Variants in SKAP2 observed in about 807,000 individuals in gnomAD.
The protein encoded by SKAP2 is src kinase-associated phosphoprotein 2.
Under a neutral mutation model 54.9 loss-of-function variants are expected in SKAP2, and 28 were observed. That is an observed-to-expected ratio of 0.51 (90% confidence interval 0.38 to 0.70). SKAP2 has a LOEUF of 0.70. SKAP2 is among the 30% of genes least tolerant of loss of function. The pLI, the probability that SKAP2 is intolerant of heterozygous loss-of-function variation, is 0.00. For missense variants in SKAP2, 356 were observed against 424.1 expected, an observed-to-expected ratio of 0.84 and a Z score of 1.41; for synonymous variants, 137 against 134.3, an observed-to-expected ratio of 1.02 and a Z score of -0.14.
intron 11 of SKAP2, among the ~76,000 whole-genome samples, chr7:26,678,999 A>T (rs182928173): frequency 5.9e-5 from 9 of 151,776 alleles, no homozygotes; most frequent in Admixed American, 3.9e-4. Context: ...ACTGAGAATT[A>T]AAAAAAATAT....
intron 9 of SKAP2, among the ~76,000 whole-genome samples, chr7:26,713,630 C>T (rs1352882097): frequency 1.3e-5 from 2 of 151,100 alleles, no homozygotes; most frequent in Non-Finnish European, 2.9e-5. Context: ...GATGGAGTCT[C>T]GCTCTGTCGC....
At chr7:26,859,468 A>G (rs1785237499) in intron 1 of SKAP2, among the ~76,000 whole-genome samples, 1 of 152,226 alleles carries the variant, frequency 6.6e-6, no homozygotes, top group African/African-American at 2.4e-5. Context: ...TAGCACTTTT[A>G]CAGGTTACAG....
At chr7:26,794,356 T>G (rs1050305310) in intron 4 of SKAP2, among the ~76,000 whole-genome samples, 1 of 152,192 alleles carries the variant, frequency 6.6e-6, no homozygotes, top group Non-Finnish European at 1.5e-5. Context: ...GTATGGCAGA[T>G]ATACCTGAAT....
chr7:26,662,487 C>T (rs753603759), downstream of SKAP2, among the ~76,000 whole-genome samples: 1 of 152,040 alleles, frequency 6.6e-6, no homozygotes, highest in Non-Finnish European at 1.5e-5. Flanking sequence ...GTGGGGCTGT[C>T]CTTATCCTTC....
chr7:26,778,486 C>T (rs903646582), intron 4 of SKAP2, among the ~76,000 whole-genome samples: 2 of 152,044 alleles, frequency 1.3e-5, no homozygotes, highest in Admixed American at 1.3e-4. Context: ...ACATAAAGAA[C>T]AGCAAAGAAC....
chr7:26,688,280 A>G (rs1169262807), intron 10 of SKAP2, among the ~76,000 whole-genome samples: 1 of 152,196 alleles, frequency 6.6e-6, no homozygotes, highest in Non-Finnish European at 1.5e-5. Flanking sequence ...TGGAATCTTT[A>G]TTTTATATAT....
intron 4 of SKAP2, among the ~76,000 whole-genome samples, chr7:26,833,005 G>A (rs747526232): frequency 2.6e-5 from 4 of 152,090 alleles, no homozygotes; most frequent in South Asian, 2.1e-4. Flanking sequence ...CTAAGCAAGC[G>A]AACTAGCTCC....
At chr7:26,768,062 A>G (rs964266717) in intron 4 of SKAP2, among the ~76,000 whole-genome samples, 2 of 152,192 alleles carry the variant, frequency 1.3e-5, no homozygotes, top group African/African-American at 4.8e-5. Context: ...GTGGAGTGTT[A>G]AAGTCTCCCA....
At chr7:26,741,155 G>A (rs1012311396) in intron 4 of SKAP2, among the ~76,000 whole-genome samples, 21 of 151,854 alleles carry the variant, frequency 1.4e-4, no homozygotes, top group Non-Finnish European at 3.1e-4. Flanking sequence ...TAATTAGAAT[G>A]AATAAGATCT....
chr7:26,760,931 C>T (rs930244721), intron 4 of SKAP2, among the ~76,000 whole-genome samples: 5 of 151,946 alleles, frequency 3.3e-5, no homozygotes, highest in Admixed American at 2.6e-4. Flanking sequence ...AAGTTGCTTC[C>T]GAAAGGCCAA....
chr7:26,820,114 T>C (rs1331460446), intron 4 of SKAP2, among the ~76,000 whole-genome samples: 1 of 152,134 alleles, frequency 6.6e-6, no homozygotes, highest in African/African-American at 2.4e-5. Flanking sequence ...GCCCAAGAAC[T>C]CAAGGCTGTA....
At chr7:26,813,185 T>C (rs914511567) in intron 4 of SKAP2, among the ~76,000 whole-genome samples, 3 of 152,160 alleles carry the variant, frequency 2.0e-5, no homozygotes, top group African/African-American at 7.2e-5. Flanking sequence ...ACCCAGAATA[T>C]TGATATAGGT....
At chr7:26,746,611 C>T (rs2127964467) in intron 4 of SKAP2, 1 of 146,428 alleles carries the variant, frequency 6.8e-6, no homozygotes, top group African/African-American at 2.6e-5. Flanking sequence ...ATCTCAGTTC[C>T]ATACCTTTTT....
intron 6 of SKAP2, among the ~76,000 whole-genome samples, chr7:26,731,263 C>T (rs1787819485): frequency 6.6e-6 from 1 of 152,186 alleles, no homozygotes; most frequent in Non-Finnish European, 1.5e-5. Context: ...AAATTTTTAG[C>T]AAGCACCCCA....
chr7:26,845,661 G>A (rs1245363796), intron 3 of SKAP2, among the ~76,000 whole-genome samples: 1 of 152,198 alleles, frequency 6.6e-6, no homozygotes, highest in Non-Finnish European at 1.5e-5. Context: ...GCTGGTGGCA[G>A]TGCTCACGCC....
intron 4 of SKAP2, among the ~76,000 whole-genome samples, chr7:26,756,196 A>G (rs1381521146): frequency 6.6e-6 from 1 of 152,222 alleles, no homozygotes; most frequent in Non-Finnish European, 1.5e-5. Flanking sequence ...TTTTTTTATT[A>G]TACTTTAAGT....
intron 3 of SKAP2, among the ~76,000 whole-genome samples, chr7:26,851,365 G>T (rs1785038184): frequency 6.6e-6 from 1 of 151,922 alleles, no homozygotes; most frequent in Non-Finnish European, 1.5e-5. Context: ...GATCATTTGA[G>T]CATGGAAGGC....
At chr7:26,759,187 T>C (rs1296738059) in intron 4 of SKAP2, among the ~76,000 whole-genome samples, 1 of 152,216 alleles carries the variant, frequency 6.6e-6, no homozygotes, top group Non-Finnish European at 1.5e-5. Context: ...GAAGTTTTAA[T>C]AGATATACTG....
chr7:26,666,392 T>C (rs1159354419), downstream of SKAP2, among the ~76,000 whole-genome samples: 1 of 152,146 alleles, frequency 6.6e-6, no homozygotes, highest in Non-Finnish European at 1.5e-5. Context: ...ATAGTACCAG[T>C]CTATGAATAA....
Sources: gnomAD v4.1 joint callset for allele counts (sites outside exome capture counted in the v4.1 genomes callset) on GRCh38, gnomAD v4.1.1 for gene constraint, MANE v1.5 for transcripts, NCBI Gene and HGNC (gene_info 2026-07-23, HGNC 2026-07-21) for gene names.